BACH2: variants seen among roughly 807,000 people sequenced by gnomAD.
The protein encoded by BACH2 is BACH transcriptional regulator 2, also known as transcription regulator protein BACH2.
Under a neutral mutation model 61.8 loss-of-function variants are expected in BACH2, and 5 were observed. That is an observed-to-expected ratio of 0.08 (90% confidence interval 0.04 to 0.17). The LOEUF is 0.17. Ranked by LOEUF, BACH2 falls within the 10% of genes least tolerant of loss-of-function variation. BACH2 has a pLI of 1.00. For synonymous variants in BACH2, 446 were observed against 440.1 expected, an observed-to-expected ratio of 1.01 and a Z score of -0.17; for missense variants, 824 against 1,091.1, an observed-to-expected ratio of 0.76 and a Z score of 3.45.
At chr6:90,188,861 T>A (rs1161028457) in intron 4 of BACH2, among the ~76,000 whole-genome samples, 1 of 151,676 alleles carries the variant, frequency 6.6e-6, no homozygotes, top group Admixed American at 6.6e-5. Flanking sequence ...AAAGGCTAGC[T>A]CTGAACATTT....
chr6:90,093,136 C>A (rs1782241677), intron 4 of BACH2, among the ~76,000 whole-genome samples: 1 of 152,138 alleles, frequency 6.6e-6, no homozygotes, highest in Non-Finnish European at 1.5e-5. Flanking sequence ...GACAGCAGGT[C>A]TTTATTAACT....
chr6:90,176,678 G>C lies in BACH2; in HGVS notation c.-162+29891C>G, dbSNP rs569360896. Among the ~76,000 whole-genome samples, 3 of 152,206 alleles carry C rather than the reference G, an allele frequency of 2.0e-5. No individual in the cohort carries two copies. The East Asian group carries it at 5.8e-4, about 29-fold the overall frequency. On this transcript the variant is annotated intron_variant, in intron 4 of 8. Transcript: ENST00000257749. ...CCTTCCACTTTTTCTACAAGCGTCA[G>C]AACTGCTCAACATCATCACTTCCAA...
At chr6:90,226,695 G>T (rs1200614079) in intron 3 of BACH2, among the ~76,000 whole-genome samples, 1 of 151,880 alleles carries the variant, frequency 6.6e-6, no homozygotes, top group African/African-American at 2.4e-5. Context: ...CAAGTCCTTA[G>T]AATTTTTTTT....
chr6:90,213,725 T>C (rs1769432825), intron 3 of BACH2, among the ~76,000 whole-genome samples: 1 of 152,208 alleles, frequency 6.6e-6, no homozygotes, highest in South Asian at 2.1e-4. Context: ...TATTTTGTAC[T>C]AGTACCCAAA....
chr6:90,128,956 G>A (rs12212737), intron 4 of BACH2, among the ~76,000 whole-genome samples: 35,115 of 151,818 alleles, frequency 0.23, 5,319 homozygotes, highest in Non-Finnish European at 0.34. Flanking sequence ...GCAAACTATC[G>A]CAAGGGCAAA....
chr6:90,292,522 C>T (rs748162804), intron 1 of BACH2, among the ~76,000 whole-genome samples: 4 of 152,188 alleles, frequency 2.6e-5, no homozygotes, highest in African/African-American at 9.7e-5. Flanking sequence ...TTAAATTATT[C>T]GGCCTTTCAT....
intron 4 of BACH2, among the ~76,000 whole-genome samples, chr6:90,120,800 C>T (rs1783590694): frequency 6.6e-6 from 1 of 152,218 alleles, no homozygotes; most frequent in East Asian, 1.9e-4. Context: ...ACTGAATGTT[C>T]TCTCTCGAAC....
intron 2 of BACH2, among the ~76,000 whole-genome samples, chr6:90,253,200 C>T (rs116406053): frequency 0.018 from 2,762 of 151,994 alleles, 45 homozygotes; most frequent in African/African-American, 0.038. Context: ...GCCAAGATTG[C>T]GCCATTGTAC....
At chr6:90,156,846 A>T (rs908699440) in intron 4 of BACH2, among the ~76,000 whole-genome samples, 1 of 152,230 alleles carries the variant, frequency 6.6e-6, no homozygotes, top group Non-Finnish European at 1.5e-5. Context: ...CCAAAACCCA[A>T]AAAAGACATG....
intron 4 of BACH2, among the ~76,000 whole-genome samples, chr6:90,103,042 T>A (rs1782744476): frequency 1.5e-5 from 2 of 132,356 alleles, no homozygotes; most frequent in South Asian, 4.9e-4. Flanking sequence ...TTTTTTTTTT[T>A]TTTTTTTTTA....
chr6:90,103,022 TA>T (rs1458845271), intron 4 of BACH2, among the ~76,000 whole-genome samples: 8 of 48,900 alleles, frequency 1.6e-4, no homozygotes, highest in South Asian at 7.5e-4. Flanking sequence ...TATATATATA[TA>T]TATATATTTT....
At chr6:89,967,608 T>A (rs1055160543) in intron 6 of BACH2, among the ~76,000 whole-genome samples, 1 of 152,206 alleles carries the variant, frequency 6.6e-6, no homozygotes, top group Non-Finnish European at 1.5e-5. Context: ...CAGAGAAGCG[T>A]AGCTTTGAAA....
At chr6:89,994,572 G>A (rs1432460417) in intron 6 of BACH2, among the ~76,000 whole-genome samples, 1 of 152,138 alleles carries the variant, frequency 6.6e-6, no homozygotes, top group African/African-American at 2.4e-5. Context: ...AGAATGAAGA[G>A]CCCCGAGTTG....
chr6:90,216,190 GT>G (rs1416171571), intron 3 of BACH2, among the ~76,000 whole-genome samples: 2 of 152,192 alleles, frequency 1.3e-5, no homozygotes, highest in Non-Finnish European at 2.9e-5. Context: ...CATTACAGCA[GT>G]TGACACTAGT....
intron 1 of BACH2, among the ~76,000 whole-genome samples, chr6:90,295,894 G>C (rs1001205599): frequency 1.3e-5 from 2 of 152,184 alleles, no homozygotes; most frequent in Non-Finnish European, 2.9e-5. Flanking sequence ...CGCCGGTCGC[G>C]GTGGTCCGGG....
chr6:90,217,510 T>C (rs1769579327), intron 3 of BACH2, among the ~76,000 whole-genome samples: 1 of 152,202 alleles, frequency 6.6e-6, no homozygotes, highest in Non-Finnish European at 1.5e-5. Flanking sequence ...AGGGTGACTA[T>C]TTTGAAATGC....
chr6:90,190,517 C>G (rs1213816638), intron 4 of BACH2, among the ~76,000 whole-genome samples: 1 of 152,200 alleles, frequency 6.6e-6, no homozygotes, highest in African/African-American at 2.4e-5. Context: ...TAAAAACACT[C>G]CAAGTTTCCC....
At chr6:90,097,581 C>T (rs909796747) in intron 4 of BACH2, among the ~76,000 whole-genome samples, 2 of 152,076 alleles carry the variant, frequency 1.3e-5, no homozygotes, top group African/African-American at 4.8e-5. Context: ...GCATTTACCA[C>T]ATAAAGATAC....
At chr6:89,964,244 AG>A (rs1415055505) in intron 6 of BACH2, among the ~76,000 whole-genome samples, 2 of 144,972 alleles carry the variant, frequency 1.4e-5, no homozygotes, top group African/African-American at 5.2e-5. Context: ...TCACATTCAT[AG>A]AAACAGAAAG....
Sources: allele counts gnomAD v4.1 joint callset (sites outside exome capture counted in the v4.1 genomes callset), GRCh38; gene constraint gnomAD v4.1.1; transcripts MANE v1.5; gene names NCBI Gene and HGNC (gene_info 2026-07-23, HGNC 2026-07-21).